ATIC: variants seen among roughly 807,000 people sequenced by gnomAD.
ATIC encodes bifunctional purine biosynthesis protein ATIC.
Under a neutral mutation model 72.5 loss-of-function variants are expected in ATIC, and 64 were observed. That is an observed-to-expected ratio of 0.88 (90% CI 0.72 to 1.09). The LOEUF (loss-of-function observed/expected upper bound fraction) is 1.09. ATIC is among the 50% of genes least tolerant of loss of function. ATIC has a pLI of 0.00. For missense variants in ATIC, 787 were observed against 732.4 expected, an observed-to-expected ratio of 1.07 and a Z score of -0.86; for synonymous variants, 281 against 267.1, an observed-to-expected ratio of 1.05 and a Z score of -0.51.
intron 7 of ATIC, among the ~76,000 whole-genome samples, chr2:215,329,999 T>G (rs1442104405): frequency 6.6e-6 from 1 of 152,166 alleles, no homozygotes; most frequent in Admixed American, 6.5e-5. Context: ...CAACCTCAGG[T>G]GATCCACCCA....
At chr2:215,325,863 G>A in intron 5 of ATIC, 124 bp from the exon 6 acceptor site, 1 of 1,261,812 alleles carries the variant, frequency 7.9e-7, no homozygotes, top group East Asian at 2.6e-5. Context: ...ACTGCGCCCA[G>A]CTTATTTTCC....
chr2:215,312,606 A>C lies in ATIC; in HGVS notation c.128A>C (p.Asp43Ala). The C allele has an allele frequency of 6.2e-7, 1 of 1,614,158 alleles. No individual in the cohort carries two copies. The highest frequency in any genetic ancestry group is 8.5e-7 in the Non-Finnish European group (1 of 1,180,026). The change falls in exon 2 of 16, where the codon GAT becomes GCT. Residue 43 changes from aspartate to alanine, a missense_variant. Coordinates refer to ENST00000236959, the MANE Select transcript of ATIC (RefSeq NM_004044.7). ...GGAGGGACTGCAAAAGCTCTCAGGG[A>C]TGCTGGTCTGGCAGTCAGGTAAGGC... ...ASGGTAKALR[D>A]AGLAVRDVSE...
At chr2:215,313,899 A>G (rs1485970984) in intron 2 of ATIC, among the ~76,000 whole-genome samples, 2 of 152,210 alleles carry the variant, frequency 1.3e-5, no homozygotes, top group African/African-American at 4.8e-5. Flanking sequence ...ATGAGAATTC[A>G]AAGTCCAGAC....
At chr2:215,323,040 G>C (rs867986066) in intron 4 of ATIC, among the ~76,000 whole-genome samples, 1 of 152,148 alleles carries the variant, frequency 6.6e-6, no homozygotes, top group Non-Finnish European at 1.5e-5. Flanking sequence ...TGCCTCCCGG[G>C]TTCACGCCCT....
chr2:215,362,285 G>A, the ATIC span: 1 of 576,076 alleles, frequency 1.7e-6, no homozygotes, highest in Non-Finnish European at 3.1e-6. Context: ...ACCTACATCT[G>A]TCTCTCTATG....
intron 11 of ATIC, 58 bp downstream of exon 11, chr2:215,336,182 C>G (rs2052952989): frequency 2.3e-6 from 3 of 1,295,774 alleles, no homozygotes; most frequent in Non-Finnish European, 3.4e-6. Flanking sequence ...GTCTCTTTCT[C>G]CCTTGTTTAC....
intron 12 of ATIC, among the ~76,000 whole-genome samples, chr2:215,341,921 G>T (rs2053023546): frequency 6.6e-6 from 1 of 152,148 alleles, no homozygotes; most frequent in South Asian, 2.1e-4. Flanking sequence ...GGTTGGGGAG[G>T]CCTCAGGAAT....
At chr2:215,323,192 G>T (rs529797662) in intron 4 of ATIC, among the ~76,000 whole-genome samples, 6 of 152,092 alleles carry the variant, frequency 3.9e-5, no homozygotes, top group Non-Finnish European at 1.5e-5. Flanking sequence ...TGATCCGCCC[G>T]CCTCGGCCTC....
intron 9 of ATIC, 50 bp from the exon 10 acceptor site, chr2:215,334,869 C>T: frequency 7.0e-7 from 1 of 1,436,898 alleles, no homozygotes; most frequent in Non-Finnish European, 9.8e-7. Context: ...ATTACTTTTT[C>T]TGTATCAGGA....
At chr2:215,340,297 G>T (rs2053005630) in intron 12 of ATIC, among the ~76,000 whole-genome samples, 1 of 152,154 alleles carries the variant, frequency 6.6e-6, no homozygotes, top group South Asian at 2.1e-4. Context: ...TCACAAAATT[G>T]TACCATAAAG....
intron 11 of ATIC, 93 bp downstream of exon 11, chr2:215,336,217 C>CTATCTA: frequency 1.1e-6 from 1 of 946,900 alleles, no homozygotes; most frequent in Admixed American, 1.9e-5. Context: ...TCATACCCTT[C>CTATCTA]TAGTTTATCC....
chr2:215,333,489 A>G lies in ATIC; in HGVS notation c.922+32A>G, dbSNP rs2052918506. On this transcript the variant is annotated intron_variant, in intron 9 of 15. Coordinates refer to ENST00000236959, the MANE Select transcript of ATIC (RefSeq NM_004044.7). ...CTCATAGGGCTTTTTGATTTGGGGG[A>G]GAAAGAAAAAGCAATATTTTATCCT... 5 of 1,550,752 alleles carry G rather than the reference A, an allele frequency of 3.2e-6. No homozygotes were observed. The South Asian group carries it at 3.4e-5, about 10-fold the overall frequency.
the ATIC span, among the ~76,000 whole-genome samples, chr2:215,367,149 C>T: frequency 3.3e-5 from 5 of 152,070 alleles, no homozygotes; most frequent in East Asian, 9.6e-4. Flanking sequence ...AACCAATTGT[C>T]AATAATCATC....
chr2:215,357,541 A>G, the ATIC span, among the ~76,000 whole-genome samples: 13 of 152,370 alleles, frequency 8.5e-5, no homozygotes, highest in East Asian at 1.7e-3. Flanking sequence ...ACCTGACTCT[A>G]CTGAGGAATG....
At position 215,325,148 on chromosome 2, in the gene ATIC, A is replaced by T. The variant is rs1477235328; in HGVS notation, c.291-93A>T. The T allele has an allele frequency of 4.5e-6, 4 of 885,964 alleles. No homozygotes were observed. In the East Asian group the frequency reaches 9.7e-5, roughly 22 times the overall value. 54.9% of individuals were successfully genotyped at this position (885,964 alleles called of 1,614,324 possible). On this transcript the variant is annotated intron_variant, in intron 4 of 15. Transcript: ENST00000236959. ...TATTAGTTCTCTATGGCTTTTGTTTACGTTAATAGTACTGACTTGTTTTTT... is the reference window on the plus strand; with the variant it reads ...TATTAGTTCTCTATGGCTTTTGTTTTCGTTAATAGTACTGACTTGTTTTTT...
the ATIC span, among the ~76,000 whole-genome samples, chr2:215,365,966 ATTTTTTTTTTTT>A: frequency 3.7e-3 from 337 of 90,348 alleles, 2 homozygotes; most frequent in African/African-American, 0.014. Context: ...CCACAGTGCT[ATTTTTTTTTTTT>A]TTTTTTTTTT....
intron 12 of ATIC, among the ~76,000 whole-genome samples, chr2:215,340,083 G>A (rs1343511168): frequency 5.9e-5 from 9 of 152,162 alleles, no homozygotes; most frequent in Non-Finnish European, 2.9e-5. Flanking sequence ...TGGATCTTCT[G>A]ATGGATATTT....
At chr2:215,361,978 T>A in the ATIC span, 1 of 1,613,864 alleles carries the variant, frequency 6.2e-7, no homozygotes, top group Non-Finnish European at 8.5e-7. Flanking sequence ...CAGTGTTTGT[T>A]CTCTGATGGT....
intron 14 of ATIC, chr2:215,348,605 C>G: frequency 2.6e-6 from 1 of 391,754 alleles, no homozygotes. Context: ...GAAAATATTT[C>G]TAAAAGCATC....
Sources: gnomAD v4.1 joint callset for allele counts (sites outside exome capture counted in the v4.1 genomes callset) on GRCh38, gnomAD v4.1.1 for gene constraint, MANE v1.5 for transcripts, NCBI Gene and HGNC (gene_info 2026-07-23, HGNC 2026-07-21) for gene names.